SLIT3: variants seen among roughly 807,000 people sequenced by gnomAD.
SLIT3 encodes the protein slit homolog 3 protein.
In SLIT3, 68 loss-of-function variants were observed where a neutral mutation model predicts 184.0. That is an observed-to-expected ratio of 0.37 (90% CI 0.30 to 0.45). The LOEUF (loss-of-function observed/expected upper bound fraction) is 0.45. SLIT3 is among the 20% of genes least tolerant of loss of function. The pLI is 1.00. For missense variants in SLIT3, 1,707 were observed against 2,026.0 expected (o/e 0.84, Z 3.02); for synonymous variants, 831 against 828.6 (o/e 1.00, Z -0.05).
chr5:169,136,862 T>C (rs1761521001), intron 4 of SLIT3, among the ~76,000 whole-genome samples: 1 of 152,176 alleles, frequency 6.6e-6, no homozygotes, highest in Admixed American at 6.5e-5. Context: ...CTTTAGATCC[T>C]AGCCACCCTA....
intron 4 of SLIT3, among the ~76,000 whole-genome samples, chr5:168,943,420 C>T (rs1762382245): frequency 6.6e-6 from 1 of 152,184 alleles, no homozygotes; most frequent in African/African-American, 2.4e-5. Flanking sequence ...AGTCAACTGC[C>T]ATGAACTGAA....
chr5:169,150,918 T>C (rs1373310625), intron 4 of SLIT3, among the ~76,000 whole-genome samples: 1 of 152,202 alleles, frequency 6.6e-6, no homozygotes, highest in Non-Finnish European at 1.5e-5. Context: ...AAACATCTGC[T>C]GAAATTAATT....
intron 5 of SLIT3, among the ~76,000 whole-genome samples, chr5:168,849,869 G>C (rs529544972): frequency 3.3e-5 from 5 of 152,136 alleles, no homozygotes; most frequent in Non-Finnish European, 5.9e-5. Context: ...CATGAACCAA[G>C]GCAGAAGACA....
intron 4 of SLIT3, among the ~76,000 whole-genome samples, chr5:169,007,021 AG>A: frequency 6.6e-6 from 1 of 152,162 alleles, no homozygotes; most frequent in East Asian, 1.9e-4. Context: ...CCAGGGGTCA[AG>A]GGAGGGACCT....
At chr5:168,990,560 G>A (rs978931699) in intron 4 of SLIT3, among the ~76,000 whole-genome samples, 1 of 152,158 alleles carries the variant, frequency 6.6e-6, no homozygotes, top group Non-Finnish European at 1.5e-5. Flanking sequence ...TGTCAAAACA[G>A]CATCATTCTA....
chr5:168,843,986 C>T (rs1003095079), intron 6 of SLIT3, among the ~76,000 whole-genome samples: 1 of 149,142 alleles, frequency 6.7e-6, no homozygotes, highest in East Asian at 2.0e-4. Context: ...TGCCCCCCGC[C>T]CCCCTACCCC....
chr5:168,961,385 A>T (rs1384128862), intron 4 of SLIT3, among the ~76,000 whole-genome samples: 2 of 152,238 alleles, frequency 1.3e-5, no homozygotes, highest in Non-Finnish European at 2.9e-5. Context: ...CAAAACTAAA[A>T]GCTGTAGACA....
rs542931103 is a variant in SLIT3 at position 169,139,735 on chromosome 5, T to C, written c.413+53744A>G. On this transcript the variant is annotated intron_variant, in intron 4 of 35. Transcript: ENST00000519560. ...GCTGACAATATCATACAGGGCCAAA[T>C]TGTGAGACTGAGGCACTTCTGGGAA... 4.6e-5 allele frequency among the ~76,000 whole-genome samples: 7 copies of C among 152,244 alleles called. No individual in the cohort carries two copies. The South Asian group carries it at 1.2e-3, about 27-fold the overall frequency.
intron 4 of SLIT3, among the ~76,000 whole-genome samples, chr5:169,113,962 C>A (rs1581423208): frequency 6.6e-6 from 1 of 152,130 alleles, no homozygotes; most frequent in East Asian, 1.9e-4. Flanking sequence ...CTCATCATGC[C>A]ATTTTTAATA....
intron 3 of SLIT3, among the ~76,000 whole-genome samples, chr5:169,218,996 C>T (rs754024522): frequency 2.0e-5 from 3 of 152,200 alleles, no homozygotes; most frequent in Non-Finnish European, 4.4e-5. Flanking sequence ...CTGGCCCATC[C>T]TCTTAGACTT....
At chr5:168,862,265 C>A (rs1284676771) in intron 5 of SLIT3, among the ~76,000 whole-genome samples, 1 of 152,186 alleles carries the variant, frequency 6.6e-6, no homozygotes, top group Non-Finnish European at 1.5e-5. Context: ...ACAGGGTACA[C>A]TGCTCAGGTG....
intron 28 of SLIT3, among the ~76,000 whole-genome samples, chr5:168,693,570 G>A (rs1239380423): frequency 6.6e-6 from 1 of 152,156 alleles, no homozygotes; most frequent in Non-Finnish European, 1.5e-5. Flanking sequence ...CCGAGTTTTG[G>A]GTTTCCTCAA....
intron 4 of SLIT3, among the ~76,000 whole-genome samples, chr5:168,943,372 G>A (rs1762381079): frequency 6.6e-6 from 1 of 152,164 alleles, no homozygotes; most frequent in Admixed American, 6.5e-5. Context: ...AGGGAATAGA[G>A]AAAGAAAACT....
intron 4 of SLIT3, among the ~76,000 whole-genome samples, chr5:168,909,546 C>T (rs553357550): frequency 1.3e-5 from 2 of 152,132 alleles, no homozygotes; most frequent in East Asian, 1.9e-4. Flanking sequence ...ATTGAGCTTG[C>T]GTTGTTATTT....
intron 8 of SLIT3, among the ~76,000 whole-genome samples, chr5:168,807,807 G>T (rs1039341444): frequency 9.9e-5 from 15 of 152,274 alleles, no homozygotes; most frequent in African/African-American, 3.6e-4. Context: ...GCCAGAGTGG[G>T]TCTAGCTACA....
chr5:169,232,587 A>C (rs1483750915), intron 3 of SLIT3, among the ~76,000 whole-genome samples: 1 of 152,228 alleles, frequency 6.6e-6, no homozygotes, highest in Non-Finnish European at 1.5e-5. Context: ...TAATTGATTT[A>C]TGAATGGCAT....
At chr5:169,091,379 C>T (rs1759577424) in intron 4 of SLIT3, among the ~76,000 whole-genome samples, 4 of 152,170 alleles carry the variant, frequency 2.6e-5, no homozygotes, top group Admixed American at 2.0e-4. Context: ...ACCCATTCAA[C>T]CTGTAATTCC....
intron 6 of SLIT3, among the ~76,000 whole-genome samples, chr5:168,830,513 A>C (rs1301419929): frequency 6.6e-6 from 1 of 152,214 alleles, no homozygotes; most frequent in Non-Finnish European, 1.5e-5. Flanking sequence ...TAGACTAGTC[A>C]AGGATATCGC....
intron 23 of SLIT3, among the ~76,000 whole-genome samples, chr5:168,718,722 A>ACC (rs1762835629): frequency 7.2e-6 from 1 of 138,636 alleles, no homozygotes; most frequent in Non-Finnish European, 1.5e-5. Flanking sequence ...ACACACACAC[A>ACC]CACACACATT....
Sources: gnomAD v4.1 joint callset for allele counts (sites outside exome capture counted in the v4.1 genomes callset) on GRCh38, gnomAD v4.1.1 for gene constraint, MANE v1.5 for transcripts, NCBI Gene and HGNC (gene_info 2026-07-23, HGNC 2026-07-21) for gene names.